EVL: variants seen among roughly 807,000 people sequenced by gnomAD.
EVL encodes ena/VASP-like protein.
Under a neutral mutation model 59.6 loss-of-function variants are expected in EVL, and 21 were observed. The ratio of observed to expected loss-of-function variants is 0.35; its 90% CI spans 0.25 to 0.51. The LOEUF (loss-of-function observed/expected upper bound fraction) is 0.51. Ranked by LOEUF, EVL falls within the 20% of genes least tolerant of loss-of-function variation. EVL has a pLI of 0.97. For synonymous variants in EVL, 198 were observed against 203.5 expected (o/e 0.97, Z 0.23); for missense variants, 462 against 546.6 (o/e 0.85, Z 1.54).
chr14:100,032,554 G>T (rs74507537), intron 1 of EVL, among the ~76,000 whole-genome samples: 1,984 of 152,216 alleles, frequency 0.013, 45 homozygotes, highest in African/African-American at 0.045. Flanking sequence ...TCTACAGGTG[G>T]AGCCCTCCAT....
chr14:100,025,013 C>T (rs1182399756), intron 1 of EVL, among the ~76,000 whole-genome samples: 2 of 152,166 alleles, frequency 1.3e-5, no homozygotes, highest in Non-Finnish European at 2.9e-5. Flanking sequence ...ACTGGCTCTA[C>T]TACCACCAGC....
chr14:99,994,300 A>T (rs1595549537), intron 1 of EVL, among the ~76,000 whole-genome samples: 1 of 151,156 alleles, frequency 6.6e-6, no homozygotes, highest in Non-Finnish European at 1.5e-5. Context: ...ATTTACTATT[A>T]TTTTGTTAAT....
chr14:99,972,189 G>T lies in EVL; in HGVS notation c.5+132G>T. 1 of 200,362 alleles carries T rather than the reference G, an allele frequency of 5.0e-6. No homozygotes were observed. 12.4% of individuals were successfully genotyped at this position (200,362 alleles called of 1,614,324 possible). On this transcript the variant is annotated intron_variant, in intron 1 of 13. Transcript: ENST00000402714. The surrounding 1 kb of genome is among the most constrained non-coding windows in gnomAD (Gnocchi z 4.4). ...CGGGGGCTTCCAGAGAACCGCGGGGGCTCTGCAGAGATTCGGGGGCATTCA... is the reference window on the plus strand; with the variant it reads ...CGGGGGCTTCCAGAGAACCGCGGGGTCTCTGCAGAGATTCGGGGGCATTCA...
intron 1 of EVL, among the ~76,000 whole-genome samples, chr14:100,026,680 T>A (rs2061219283): frequency 1.3e-5 from 2 of 152,202 alleles, no homozygotes; most frequent in South Asian, 4.1e-4. Flanking sequence ...GATTATTAGT[T>A]TCTCTCACAT....
intron 1 of EVL, among the ~76,000 whole-genome samples, chr14:100,036,771 G>T (rs1322424924): frequency 6.6e-6 from 1 of 152,142 alleles, no homozygotes; most frequent in Non-Finnish European, 1.5e-5. Flanking sequence ...TTTAACAGAG[G>T]ACCGTGGCAC....
chr14:100,096,440 T>C (rs1306640929), intron 2 of EVL, among the ~76,000 whole-genome samples: 3 of 152,226 alleles, frequency 2.0e-5, no homozygotes, highest in East Asian at 3.8e-4. Context: ...ACTGGCAGCC[T>C]ACCTTGTGCC....
rs775902869 is a variant in EVL at position 100,137,860 on chromosome 14, C to T, written c.1094+58C>T. On this transcript the variant is annotated intron_variant, in intron 11 of 13. Transcript: ENST00000392920. The stretch of plus-strand genomic sequence containing the variant: ...CAGGGTTTGGGGCTCCTCTGTCCCC[C>T]GTCCCGTGACTAACACCCTTGCACG... 17 of 1,503,676 alleles carry T rather than the reference C, an allele frequency of 1.1e-5. No homozygotes were observed. In the East Asian group the frequency reaches 2.0e-4, roughly 18 times the overall value. The allele number at this position is 1,503,676 out of a possible 1,614,324, so 93.1% of individuals were successfully genotyped here.
At chr14:100,090,893 T>G (rs2062549378) in intron 2 of EVL, among the ~76,000 whole-genome samples, 1 of 152,176 alleles carries the variant, frequency 6.6e-6, no homozygotes, top group Non-Finnish European at 1.5e-5. Context: ...CTCTTTGATT[T>G]AGCAGTTGGA....
chr14:100,081,101 G>A (rs779531435), intron 1 of EVL, among the ~76,000 whole-genome samples: 9 of 152,104 alleles, frequency 5.9e-5, no homozygotes, highest in African/African-American at 7.2e-5. Flanking sequence ...GCAACATAGC[G>A]AAACCCTGTC....
chr14:100,142,539 T>G (rs977294174), intron 13 of EVL, among the ~76,000 whole-genome samples: 1 of 152,160 alleles, frequency 6.6e-6, no homozygotes, highest in African/African-American at 2.4e-5. Context: ...CCTGGGTGTG[T>G]AGCTGGGTCT....
intron 1 of EVL, among the ~76,000 whole-genome samples, chr14:100,039,325 CT>C (rs1761936468): frequency 6.6e-6 from 1 of 152,212 alleles, no homozygotes; most frequent in African/African-American, 2.4e-5. Flanking sequence ...CAACTTCCGC[CT>C]CCCAGATTCA....
chr14:100,111,393 G>A (rs371874276), intron 3 of EVL, among the ~76,000 whole-genome samples: 1 of 152,014 alleles, frequency 6.6e-6, no homozygotes, highest in African/African-American at 2.4e-5. Context: ...CTGACCTCTG[G>A]TGATCCACCC....
intron 1 of EVL, among the ~76,000 whole-genome samples, chr14:100,049,429 T>G (rs2061610226): frequency 6.6e-6 from 1 of 152,168 alleles, no homozygotes; most frequent in Non-Finnish European, 1.5e-5. Flanking sequence ...TTGCTTCATT[T>G]TATGTCATTG....
chr14:100,085,078 C>G (rs2062410236), intron 2 of EVL: 1 of 474,882 alleles, frequency 2.1e-6, no homozygotes, highest in Non-Finnish European at 3.7e-6. Context: ...CATATGGAGA[C>G]AGTAATCCGC....
intron 1 of EVL, among the ~76,000 whole-genome samples, chr14:100,050,661 A>G (rs1297506325): frequency 2.0e-5 from 3 of 151,044 alleles, no homozygotes; most frequent in Non-Finnish European, 4.4e-5. Flanking sequence ...TTTTAAAAAT[A>G]TTTAATAATT....
chr14:100,051,339 C>A (rs768499270), intron 1 of EVL, among the ~76,000 whole-genome samples: 6 of 152,146 alleles, frequency 3.9e-5, no homozygotes, highest in Non-Finnish European at 7.3e-5. Flanking sequence ...TCTACTCTTG[C>A]TTATGATGTA....
At chr14:100,013,963 TAAC>T (rs2140194733) in intron 1 of EVL, among the ~76,000 whole-genome samples, 1 of 152,356 alleles carries the variant, frequency 6.6e-6, no homozygotes, top group Non-Finnish European at 1.5e-5. Context: ...ATATGTGTAA[TAAC>T]TAATTACAAA....
chr14:100,002,217 A>G (rs2060950257), intron 1 of EVL, among the ~76,000 whole-genome samples: 1 of 152,130 alleles, frequency 6.6e-6, no homozygotes, highest in Admixed American at 6.5e-5. Context: ...GAGTCCTGAA[A>G]GTTTTTCGTC....
intron 3 of EVL, among the ~76,000 whole-genome samples, chr14:100,103,890 T>C (rs1056643801): frequency 5.3e-5 from 8 of 152,124 alleles, no homozygotes; most frequent in African/African-American, 1.9e-4. Context: ...TTTCTCTGCG[T>C]TTTTCACATC....
Sources: gnomAD v4.1 joint callset for allele counts (sites outside exome capture counted in the v4.1 genomes callset) on GRCh38, gnomAD v4.1.1 for gene constraint, Gnocchi (gnomAD v3.1) non-coding constraint, MANE v1.5 for transcripts, NCBI Gene and HGNC (gene_info 2026-07-23, HGNC 2026-07-21) for gene names.